ZNF140: variants seen among roughly 807,000 people sequenced by gnomAD.
ZNF140 encodes zinc finger protein 140, also known as zinc finger protein 140 (clone pHZ-39).
Under a neutral mutation model 12.9 loss-of-function variants are expected in ZNF140, and 13 were observed. The ratio of observed to expected loss-of-function variants is 1.01; its 90% CI spans 0.66 to 1.60. The LOEUF (loss-of-function observed/expected upper bound fraction) is 1.60. ZNF140 is among the 40% of genes most tolerant of loss of function. ZNF140 has a pLI of 0.00. For missense variants in ZNF140, 531 were observed against 548.8 expected, an observed-to-expected ratio of 0.97 and a Z score of 0.32; for synonymous variants, 214 against 186.7, an observed-to-expected ratio of 1.15 and a Z score of -1.19.
At chr12:133,094,626 TTTTCC>T (rs1243312578) in intron 4 of ZNF140, among the ~76,000 whole-genome samples, 2 of 151,134 alleles carry the variant, frequency 1.3e-5, no homozygotes, top group Non-Finnish European at 2.9e-5. Context: ...CACCCCCAAC[TTTTCC>T]TTAGAGAGCG....
Position 133,083,091 on chromosome 12 carries a change from C to G in ZNF140, c.10-12C>G. On this transcript the variant is annotated splice_polypyrimidine_tract_variant and intron_variant, in intron 2 of 4. Coordinates refer to ENST00000355557, the MANE Select transcript of ZNF140 (RefSeq NM_003440.4). The stretch of plus-strand genomic sequence containing the variant: ...GCGTGCTGGTCATGCAAATATCTGT[C>G]CGTCATTTCAGGGGTCAGTGACATT... 1 of 1,614,148 alleles carries G rather than the reference C, an allele frequency of 6.2e-7. No individual in the cohort carries two copies. Among genetic ancestry groups the G allele is most frequent in the Non-Finnish European group, 8.5e-7 (1 of 1,180,030 alleles).
rs1555291953 is a variant in ZNF140, at chr12:133,081,348, A to AAAATATATATATAT, written c.9+20_9+21insAATATATATATATA. The AAAATATATATATAT allele has an allele frequency of 1.5e-4, 49 of 318,816 alleles. No homozygotes were observed. Among genetic ancestry groups the AAAATATATATATAT allele is most frequent in the Non-Finnish European group, 2.6e-4 (45 of 172,512 alleles). 19.7% of individuals were successfully genotyped at this position (318,816 alleles called of 1,614,324 possible). A position where few individuals can be genotyped will look rare whatever the true frequency, so the allele number is the denominator to read the frequency against. ...GTCTCAGGTAAGCTAATGATTGATA[A>AAAATATATATATAT]ATATATATATATATATATATATAAA... On this transcript the variant is annotated intron_variant, in intron 2 of 4. Coordinates refer to ENST00000355557, the MANE Select transcript of ZNF140 (RefSeq NM_003440.4).
chr12:133,101,154 G>T, intron 4 of ZNF140: 2 of 244,190 alleles, frequency 8.2e-6, no homozygotes, highest in Non-Finnish European at 8.4e-6. Flanking sequence ...GGGGCGAGAG[G>T]GCACTTACCT....
At chr12:133,083,662 A>C in intron 4 of ZNF140, 101 bp downstream of exon 4, 1 of 1,184,462 alleles carries the variant, frequency 8.4e-7, no homozygotes, top group Non-Finnish European at 1.2e-6. Flanking sequence ...ATTTTCCCTT[A>C]AAGATACTAG....
chr12:133,103,962 C>G (rs1218577930), intron 4 of ZNF140, among the ~76,000 whole-genome samples: 2 of 152,144 alleles, frequency 1.3e-5, no homozygotes, highest in African/African-American at 4.8e-5. Flanking sequence ...CTTGATCTTT[C>G]ATGTATTTTG....
At chr12:133,089,363 T>G (rs1954781011) in intron 4 of ZNF140, among the ~76,000 whole-genome samples, 1 of 151,830 alleles carries the variant, frequency 6.6e-6, no homozygotes, top group Admixed American at 6.6e-5. Context: ...ACAGGTGCGC[T>G]CCACCATGCC....
Position 133,082,765 on chromosome 12 carries a change from A to G in ZNF140, c.10-338A>G, listed in dbSNP as rs1023882231. 1.9e-3 allele frequency: 362 copies of G among 188,472 alleles called. 3 individuals are homozygous for G. Among genetic ancestry groups the G allele is most frequent in the African/African-American group, 7.8e-3 (338 of 43,102 alleles). 11.7% of individuals were successfully genotyped at this position (188,472 alleles called of 1,614,324 possible). On this transcript the variant is annotated intron_variant, in intron 2 of 4. Transcript: ENST00000355557. ...AAAATAGGCTGGTATTAAGGAAAAT[A>G]TACATTGTTTATTAACATAAAGGAA...
At chr12:133,083,396 G>T in intron 3 of ZNF140, 70 bp from the exon 4 acceptor site, 2 of 1,551,592 alleles carry the variant, frequency 1.3e-6, no homozygotes, top group South Asian at 2.4e-5. Context: ...ACTTACATCT[G>T]ACATTTCCTT....
At chr12:133,090,900 G>C (rs958916081) in intron 4 of ZNF140, among the ~76,000 whole-genome samples, 3 of 141,516 alleles carry the variant, frequency 2.1e-5, no homozygotes, top group Non-Finnish European at 3.1e-5. Context: ...CATCTCAGCG[G>C]AGTAAAGAAT....
chr12:133,102,555 A>G (rs1272418993), intron 4 of ZNF140, among the ~76,000 whole-genome samples: 2 of 151,962 alleles, frequency 1.3e-5, no homozygotes, highest in African/African-American at 4.8e-5. Context: ...GTGAAACCCC[A>G]TCTCTACTAA....
At chr12:133,093,393 G>C (rs939403333) in intron 4 of ZNF140, 1 of 697,132 alleles carries the variant, frequency 1.4e-6, no homozygotes, top group Non-Finnish European at 2.6e-6. Context: ...TCTGGAGTTT[G>C]TGTTACTCTT....
Position 133,105,638 on chromosome 12 carries a change from T to C in ZNF140, c.361T>C (p.Trp121Arg), listed in dbSNP as rs1385448730. ...TGTGTATTCCAGTTTTAAAGGAGGC[T>C]GGAAATGCAAGGATCATACTGAGAT... ...GPVYSSFKGG[W>R]KCKDHTEMLQ... Residue 121 changes from tryptophan (W) to arginine (R), a missense_variant, in exon 5 of 5, where the codon TGG becomes CGG. Transcript: ENST00000355557. The C allele has an allele frequency of 6.2e-7, 1 of 1,614,030 alleles. No individual in the cohort carries two copies. The highest frequency in any genetic ancestry group is 8.5e-7 in the Non-Finnish European group (1 of 1,180,044).
chr12:133,097,819 A>ATGTGTGTGTGTGTGTGTGTGTGTG lies in ZNF140; in HGVS notation c.233-7683_233-7660dup, dbSNP rs71079166. 7.8e-3 allele frequency among the ~76,000 whole-genome samples: 1,118 copies of ATGTGTGTGTGTGTGTGTGTGTGTG among 143,192 alleles called. 15 individuals carry two copies. Among genetic ancestry groups the ATGTGTGTGTGTGTGTGTGTGTGTG allele is most frequent in the African/African-American group, 0.014 (537 of 38,182 alleles). The allele number at this position is 143,192 out of a possible 152,430, so 93.9% of individuals were successfully genotyped here. On this transcript the variant is annotated intron_variant, in intron 4 of 4. Transcript: ENST00000355557. ...TATGCATGAGGCACCACATCTAACC[A>ATGTGTGTGTGTGTGTGTGTGTGTG]TGTGTGTGTGTGTGTGTGTGTGTGT...
chr12:133,105,489 T>C, intron 4 of ZNF140, 21 bp from the exon 5 acceptor site: 3 of 1,447,716 alleles, frequency 2.1e-6, no homozygotes, highest in Non-Finnish European at 2.8e-6. Flanking sequence ...AAACATTCAC[T>C]TTTTTTTTGG....
intron 4 of ZNF140, among the ~76,000 whole-genome samples, chr12:133,104,508 C>T (rs982822210): frequency 1.8e-4 from 28 of 152,122 alleles, no homozygotes; most frequent in African/African-American, 2.7e-4. Context: ...CATGCCATCA[C>T]GCCTGGCTAA....
In ZNF140 at chr12:133,106,235, C is replaced by G; in HGVS notation, c.958C>G (p.Gln320Glu). 1 of 1,614,216 alleles carries G rather than the reference C, an allele frequency of 6.2e-7. No homozygotes were observed. Among genetic ancestry groups the G allele is most frequent in the Non-Finnish European group, 8.5e-7 (1 of 1,180,036 alleles). The change falls in exon 5 of 5, where the codon CAG (glutamine) becomes GAG (glutamate). Residue 320 changes from glutamine (Q) to glutamate (E), a missense_variant. By Grantham distance (29) the Gln-to-Glu change is conservative. Transcript: ENST00000355557. ...FRRFSHLTRH[Q>E]SIHTTKTPYE... is the part of the protein sequence containing the mutation. Reference sequence around the variant, plus strand: ...CCGTTTCTCACACCTTACTCGACATCAGAGCATCCATACAACCAAAACCCC... The same window carrying G: ...CCGTTTCTCACACCTTACTCGACATGAGAGCATCCATACAACCAAAACCCC...
chr12:133,092,377 A>G lies in ZNF140; in HGVS notation c.232+8816A>G, dbSNP rs1397473139. The stretch of plus-strand genomic sequence containing the variant: ...AATCAATGCAAGTAAACAATCTACA[A>G]TTTTCACAGGTTATAGTTTGGACAT... On this transcript the variant is annotated intron_variant, in intron 4 of 4. Transcript: ENST00000355557. Among the ~76,000 whole-genome samples the G allele has an allele frequency of 7.9e-5, 12 of 151,154 alleles. 1 individual carries two copies. Among genetic ancestry groups the G allele is most frequent in the Admixed American group, 2.6e-4 (4 of 15,216 alleles).
Position 133,106,899 on chromosome 12 carries a change from A to G in ZNF140, c.*248A>G. On this transcript the variant is annotated 3_prime_UTR_variant, in exon 5 of 5. Coordinates refer to ENST00000355557, the MANE Select transcript of ZNF140 (RefSeq NM_003440.4). ...TCAATATTGTTGAGAAGATTCTTCC[A>G]TCTGGTAATGTTGAGAAGACTTCAT... 1 of 321,764 alleles carries G rather than the reference A, an allele frequency of 3.1e-6. No homozygotes were observed. The highest frequency in any genetic ancestry group is 5.7e-6 in the Non-Finnish European group (1 of 175,444). The allele number at this position is 321,764 out of a possible 1,614,324, so 19.9% of individuals were successfully genotyped here.
intron 4 of ZNF140, among the ~76,000 whole-genome samples, chr12:133,095,163 A>G (rs201962905): frequency 4.0e-5 from 6 of 151,070 alleles, no homozygotes; most frequent in East Asian, 3.9e-4. Context: ...TTTTTTCCCA[A>G]TCTTTTAAAT....
Sources: allele counts gnomAD v4.1 joint callset (sites outside exome capture counted in the v4.1 genomes callset), GRCh38; gene constraint gnomAD v4.1.1; transcripts MANE v1.5; gene names NCBI Gene and HGNC (gene_info 2026-07-23, HGNC 2026-07-21).